The following LPAR1 variants were observed in gnomAD, a reference collection of about 807,000 sequenced individuals.
LPAR1 encodes lysophosphatidic acid receptor 1.
LPAR1 carries 5 observed loss-of-function variants against 23.8 expected under a neutral mutation model. That is an observed-to-expected ratio of 0.21 (90% CI 0.11 to 0.44). The LOEUF is 0.44. Ranked by LOEUF, LPAR1 falls within the 20% of genes least tolerant of loss-of-function variation. The probability of loss-of-function intolerance (pLI) is 0.99; values close to 1 mark genes in which losing one functional copy is unlikely to be tolerated. For missense variants in LPAR1, 311 were observed against 482.8 expected (o/e 0.64, Z 3.33); for synonymous variants, 160 against 164.7 (o/e 0.97, Z 0.22).
intron 5 of LPAR1, among the ~76,000 whole-genome samples, chr9:110,912,263 T>G (rs981982668): frequency 6.6e-6 from 1 of 152,234 alleles, no homozygotes; most frequent in Non-Finnish European, 1.5e-5. Context: ...TCGAGGTGAC[T>G]AGAAGTACTT....
At chr9:110,995,384 AAGAAAAT>A (rs1217509752) in intron 2 of LPAR1, among the ~76,000 whole-genome samples, 4 of 152,102 alleles carry the variant, frequency 2.6e-5, no homozygotes, top group Non-Finnish European at 5.9e-5. Context: ...GGGGAGGGGG[AAGAAAAT>A]AAGACCTGTG....
intron 2 of LPAR1, among the ~76,000 whole-genome samples, chr9:111,007,503 T>C (rs2097243038): frequency 6.6e-6 from 1 of 152,070 alleles, no homozygotes; most frequent in African/African-American, 2.4e-5. Context: ...GAAATACAAA[T>C]GATCGATGAG....
At chr9:110,891,972 C>G (rs113608676) in intron 5 of LPAR1, among the ~76,000 whole-genome samples, 73 of 152,276 alleles carry the variant, frequency 4.8e-4, no homozygotes, top group African/African-American at 1.7e-3. Context: ...ATTTGGAAAA[C>G]AGTTTGGCAG....
chr9:110,912,730 T>A (rs1290101031), intron 5 of LPAR1, among the ~76,000 whole-genome samples: 1 of 152,120 alleles, frequency 6.6e-6, no homozygotes, highest in Admixed American at 6.5e-5. Flanking sequence ...GTTTTTTTCA[T>A]GACGCAAACA....
intron 4 of LPAR1, among the ~76,000 whole-genome samples, chr9:110,947,886 G>A (rs1397986548): frequency 1.3e-5 from 2 of 151,634 alleles, no homozygotes; most frequent in Admixed American, 6.6e-5. Flanking sequence ...AAGGGAGACT[G>A]TAATCTATGC....
At chr9:110,906,940 A>G (rs879711164) in intron 5 of LPAR1, among the ~76,000 whole-genome samples, 5,674 of 152,258 alleles carry the variant, frequency 0.037, 172 homozygotes, top group Non-Finnish European at 0.046. Flanking sequence ...TTGATGCAAA[A>G]GGGATTCAGA....
chr9:111,008,026 T>C (rs536417550), intron 2 of LPAR1, among the ~76,000 whole-genome samples: 4 of 151,876 alleles, frequency 2.6e-5, no homozygotes, highest in Admixed American at 2.6e-4. Flanking sequence ...ATACAAAAAT[T>C]AGCTCGGTGT....
intron 2 of LPAR1, among the ~76,000 whole-genome samples, chr9:111,030,061 A>T (rs1182969380): frequency 6.6e-6 from 1 of 151,944 alleles, no homozygotes; most frequent in East Asian, 1.9e-4. Context: ...AAAAAAAAAA[A>T]AAAAAAAAAT....
At chr9:110,973,299 A>G (rs532569379) in intron 3 of LPAR1, among the ~76,000 whole-genome samples, 182 bp downstream of exon 3, 1 of 152,288 alleles carries the variant, frequency 6.6e-6, no homozygotes, top group East Asian at 1.9e-4. Context: ...TTTGCAGAAG[A>G]AAAAATTGAG....
intron 5 of LPAR1, among the ~76,000 whole-genome samples, chr9:110,904,776 A>T (rs2090634983): frequency 6.6e-6 from 1 of 152,226 alleles, no homozygotes; most frequent in East Asian, 1.9e-4. Context: ...ACACCCAGTG[A>T]TAATTCTATA....
At chr9:111,005,775 G>A (rs975998412) in intron 2 of LPAR1, among the ~76,000 whole-genome samples, 3 of 152,134 alleles carry the variant, frequency 2.0e-5, no homozygotes, top group African/African-American at 7.2e-5. Context: ...TTCTTCCACT[G>A]CCTATCCACA....
intron 4 of LPAR1, among the ~76,000 whole-genome samples, chr9:110,952,802 G>C (rs1302815706): frequency 2.0e-5 from 3 of 152,026 alleles, no homozygotes; most frequent in Non-Finnish European, 4.4e-5. Context: ...GCCTACCACA[G>C]CTAGCACCAG....
At chr9:110,894,630 GCTGTCCTTTAAT>G (rs1212204884) in intron 5 of LPAR1, among the ~76,000 whole-genome samples, 1 of 152,170 alleles carries the variant, frequency 6.6e-6, no homozygotes, top group African/African-American at 2.4e-5. Flanking sequence ...GTGACACCAG[GCTGTCCTTTAAT>G]CTGAAACAAT....
intron 2 of LPAR1, among the ~76,000 whole-genome samples, chr9:111,009,682 A>C (rs2097289631): frequency 6.6e-6 from 1 of 151,922 alleles, no homozygotes; most frequent in Admixed American, 6.6e-5. Context: ...AATTAATAGA[A>C]AATAATACTG....
intron 2 of LPAR1, among the ~76,000 whole-genome samples, chr9:111,035,804 T>C (rs910641358): frequency 6.6e-6 from 1 of 152,224 alleles, no homozygotes; most frequent in Non-Finnish European, 1.5e-5. Context: ...TGTTATCTGC[T>C]GAATACTTGG....
At chr9:110,980,003 A>C (rs1346356131) in intron 2 of LPAR1, among the ~76,000 whole-genome samples, 2 of 152,134 alleles carry the variant, frequency 1.3e-5, no homozygotes, top group Admixed American at 1.3e-4. Flanking sequence ...TTTAAATAGA[A>C]CAAAAAATTT....
chr9:110,966,915 G>A (rs1298022998), intron 4 of LPAR1, among the ~76,000 whole-genome samples: 1 of 152,182 alleles, frequency 6.6e-6, no homozygotes, highest in African/African-American at 2.4e-5. Context: ...ACAGTAACCT[G>A]ATCAAGCACA....
At position 110,888,262 on chromosome 9, in the gene LPAR1, A is replaced by C. The variant is rs949498531; in HGVS notation, c.794-12540T>G. ...GGAGTTCTGTGTCATATTCGAAGCAAAAGCAACCCCAATTAAGCATCCCAT... is the reference window on the plus strand; with the variant it reads ...GGAGTTCTGTGTCATATTCGAAGCACAAGCAACCCCAATTAAGCATCCCAT... On this transcript the variant is annotated intron_variant, in intron 5 of 5. Coordinates refer to ENST00000683809, the MANE Select transcript of LPAR1 (RefSeq NM_001351411.2). 2.0e-5 allele frequency among the ~76,000 whole-genome samples: 3 copies of C among 152,206 alleles called. No homozygotes were observed. In the East Asian group the frequency reaches 5.8e-4, roughly 29 times the overall value.
At chr9:111,021,962 A>C (rs12378417) in intron 2 of LPAR1, among the ~76,000 whole-genome samples, 4 of 53,932 alleles carry the variant, frequency 7.4e-5, no homozygotes, top group Non-Finnish European at 1.3e-4. Flanking sequence ...AGACTCCGTC[A>C]CAAAAAAAAA....
Sources: gnomAD v4.1 joint callset for allele counts (sites outside exome capture counted in the v4.1 genomes callset) on GRCh38, gnomAD v4.1.1 for gene constraint, MANE v1.5 for transcripts, NCBI Gene and HGNC (gene_info 2026-07-23, HGNC 2026-07-21) for gene names.